The following MBOAT1 variants were observed in gnomAD, a reference collection of about 807,000 sequenced individuals.
MBOAT1 encodes the protein membrane-bound glycerophospholipid O-acyltransferase 1.
In MBOAT1, 67 loss-of-function variants were observed where a neutral mutation model predicts 64.4. The ratio of observed to expected loss-of-function variants is 1.04; its 90% CI spans 0.85 to 1.27. The LOEUF (loss-of-function observed/expected upper bound fraction) is 1.27, where lower values mean the gene tolerates loss of function less well. Ranked by LOEUF, MBOAT1 falls within the 50% of genes most tolerant of loss-of-function variation. The pLI, the probability that MBOAT1 is intolerant of heterozygous loss-of-function variation, is 0.00. For missense variants in MBOAT1, 563 were observed against 604.6 expected, an observed-to-expected ratio of 0.93 and a Z score of 0.72; for synonymous variants, 229 against 218.9, an observed-to-expected ratio of 1.05 and a Z score of -0.41.
chr6:20,139,945 C>T (rs1481391511), intron 4 of MBOAT1, among the ~76,000 whole-genome samples: 2 of 152,162 alleles, frequency 1.3e-5, no homozygotes, highest in Admixed American at 6.5e-5. Context: ...GCCTGGTATA[C>T]ACAGGGTTCC....
intron 12 of MBOAT1, among the ~76,000 whole-genome samples, chr6:20,109,389 C>T (rs1760054085): frequency 6.6e-6 from 1 of 152,148 alleles, no homozygotes; most frequent in Admixed American, 6.6e-5. Context: ...TTAAGGGATT[C>T]CTGTCAACAG....
Position 20,113,027 on chromosome 6 carries a change from A to T in MBOAT1, c.1077-19T>A. 6.2e-7 allele frequency: 1 copy of T among 1,609,700 alleles called. No homozygotes were observed. Among genetic ancestry groups the T allele is most frequent in the Non-Finnish European group, 8.5e-7 (1 of 1,178,412 alleles). ...GCACACACTGTGAAGAGAGGAAGGAACAAGACACAGGTGAAACATACCAGA... is the reference window on the plus strand; with the variant it reads ...GCACACACTGTGAAGAGAGGAAGGATCAAGACACAGGTGAAACATACCAGA... On this transcript the variant is annotated intron_variant, in intron 10 of 12. Transcript: ENST00000324607.
chr6:20,157,007 G>T (rs1402844863), intron 1 of MBOAT1, among the ~76,000 whole-genome samples: 1 of 152,130 alleles, frequency 6.6e-6, no homozygotes, highest in Admixed American at 6.5e-5. Flanking sequence ...TATAGGCTGG[G>T]CACAATGACT....
chr6:20,105,271 A>G (rs1476994512), intron 12 of MBOAT1, among the ~76,000 whole-genome samples: 1 of 152,246 alleles, frequency 6.6e-6, no homozygotes, highest in East Asian at 1.9e-4. Context: ...CAAGTGGAAA[A>G]CACCTAGTAA....
intron 1 of MBOAT1, among the ~76,000 whole-genome samples, chr6:20,196,868 A>G (rs1166612381): frequency 7.2e-6 from 1 of 139,172 alleles, no homozygotes; most frequent in Non-Finnish European, 1.6e-5. Context: ...ATCTCAAAAA[A>G]AAAAACAAAC....
intron 1 of MBOAT1, among the ~76,000 whole-genome samples, chr6:20,180,848 C>T (rs933529170): frequency 6.6e-6 from 1 of 152,194 alleles, no homozygotes; most frequent in Admixed American, 6.5e-5. Flanking sequence ...TAAATGGCAT[C>T]TCTTACATAA....
At chr6:20,144,148 G>A (rs1371464692) in intron 4 of MBOAT1, 72 bp downstream of exon 4, 1 of 944,840 alleles carries the variant, frequency 1.1e-6, no homozygotes, top group African/African-American at 1.6e-5. Flanking sequence ...GTGCACCCTT[G>A]ATGTTTACAG....
At chr6:20,161,469 A>C (rs1376187579) in intron 1 of MBOAT1, among the ~76,000 whole-genome samples, 2 of 152,106 alleles carry the variant, frequency 1.3e-5, no homozygotes, top group Admixed American at 6.6e-5. Flanking sequence ...TGTCTTCCAC[A>C]AAACCAGTCC....
At chr6:20,130,684 T>C (rs1481806477) in intron 5 of MBOAT1, among the ~76,000 whole-genome samples, 6 of 150,656 alleles carry the variant, frequency 4.0e-5, no homozygotes, top group Non-Finnish European at 7.4e-5. Context: ...GAATTATCAT[T>C]AGATAATTTT....
chr6:20,149,312 C>T (rs1365356788), intron 3 of MBOAT1, among the ~76,000 whole-genome samples: 1 of 152,012 alleles, frequency 6.6e-6, no homozygotes, highest in African/African-American at 2.4e-5. Flanking sequence ...TGATATGAAA[C>T]AAGTGTGCGT....
chr6:20,105,656 CGGGAGGCTGAGGT>C (rs905258201), intron 12 of MBOAT1, among the ~76,000 whole-genome samples: 6 of 152,114 alleles, frequency 3.9e-5, no homozygotes, highest in East Asian at 1.9e-4. Flanking sequence ...CCCAGCTACT[CGGGAGGCTGAGGT>C]GGGAGGCTGA....
rs774045693 is a variant in MBOAT1, at chr6:20,158,049, G to A, written c.100-5280C>T. On this transcript the variant is annotated intron_variant, in intron 1 of 12. Transcript: ENST00000324607. The stretch of plus-strand genomic sequence containing the variant: ...CATGTACCTGTAGTCCCAGCTACTC[G>A]GGAGGCTGAGGCAGGACAATCGCTG... Among the ~76,000 whole-genome samples the A allele has an allele frequency of 7.4e-4, 112 of 151,864 alleles. 1 individual carries two copies. The highest frequency in any genetic ancestry group is 3.4e-3 in the Middle Eastern group (1 of 294).
At position 20,152,692 on chromosome 6, in the gene MBOAT1, G is replaced by A. The variant is rs1761553583; in HGVS notation, c.177C>T (p.Thr59=). The change falls in exon 2 of 13, where the codon ACC becomes ACT. Residue 59 remains threonine (T), a synonymous_variant. Coordinates refer to ENST00000324607, the MANE Select transcript of MBOAT1 (RefSeq NM_001080480.3). ...WFRIYLRPGT[T]SSDVRHAVAT... is the part of the protein sequence containing the mutation. The stretch of plus-strand genomic sequence containing the variant: ...CAACCGCATGCCGGACATCAGAGCT[G>A]GTTGTACCAGGACGTAAGTAGATGC... 6.2e-7 allele frequency: 1 copy of A among 1,612,182 alleles called. No homozygotes were observed. Among genetic ancestry groups the A allele is most frequent in the Non-Finnish European group, 8.5e-7 (1 of 1,178,752 alleles).
At chr6:20,123,151 A>T (rs190535740) in intron 8 of MBOAT1, among the ~76,000 whole-genome samples, 5,523 of 129,464 alleles carry the variant, frequency 0.043, 231 homozygotes, top group African/African-American at 0.13. Flanking sequence ...AATTTTTTTT[A>T]AAAAAAAAGT....
At chr6:20,165,326 A>C (rs1761984660) in intron 1 of MBOAT1, among the ~76,000 whole-genome samples, 1 of 151,980 alleles carries the variant, frequency 6.6e-6, no homozygotes, top group African/African-American at 2.4e-5. Flanking sequence ...TAACTACAAC[A>C]TCTGTATTGC....
intron 3 of MBOAT1, among the ~76,000 whole-genome samples, chr6:20,145,498 C>T (rs1761302571): frequency 1.3e-5 from 2 of 152,236 alleles, no homozygotes; most frequent in African/African-American, 4.8e-5. Flanking sequence ...GCTTTGTTCA[C>T]CATATTCACC....
rs1760209811 is a variant in MBOAT1 at position 20,112,875 on chromosome 6, C to A, written c.1209+1G>T. On this transcript the variant is annotated splice_donor_variant, in intron 11 of 12. Coordinates refer to ENST00000324607, the MANE Select transcript of MBOAT1 (RefSeq NM_001080480.3). LOFTEE classifies it high-confidence loss of function. The stretch of plus-strand genomic sequence containing the variant: ...AGACCCTAGGCCTAAAGCACACTTA[C>A]CGCTCTAGCTGCTAATGTGACAAGA... 1 of 1,612,658 alleles carries A rather than the reference C, an allele frequency of 6.2e-7. No homozygotes were observed. The highest frequency in any genetic ancestry group is 8.5e-7 in the Non-Finnish European group (1 of 1,179,236).
chr6:20,155,164 C>T (rs545412787), intron 1 of MBOAT1, among the ~76,000 whole-genome samples: 9 of 152,210 alleles, frequency 5.9e-5, no homozygotes, highest in South Asian at 2.1e-4. Context: ...TGTAGTCCCC[C>T]GACCAACAGC....
chr6:20,202,581 A>G (rs2113772189), intron 1 of MBOAT1, among the ~76,000 whole-genome samples: 1 of 152,120 alleles, frequency 6.6e-6, no homozygotes. Context: ...TAATACAAGG[A>G]AGTTGGTAAA....
Sources: gnomAD v4.1 joint callset for allele counts (sites outside exome capture counted in the v4.1 genomes callset) on GRCh38, gnomAD v4.1.1 for gene constraint, MANE v1.5 for transcripts, NCBI Gene and HGNC (gene_info 2026-07-23, HGNC 2026-07-21) for gene names.